PLCD4: variants seen among roughly 807,000 people sequenced by gnomAD.
PLCD4 encodes phospholipase C delta 4.
A neutral mutation model predicts 90.2 loss-of-function variants in PLCD4; 63 were observed. That is an observed-to-expected ratio of 0.70 (90% CI 0.57 to 0.86). The LOEUF (loss-of-function observed/expected upper bound fraction) is 0.86, where lower values mean the gene tolerates loss of function less well. Among genes scored for constraint, PLCD4 ranks in the 40% least tolerant of loss-of-function variants. PLCD4 has a pLI of 0.00. For synonymous variants in PLCD4, 294 were observed against 356.5 expected (o/e 0.82, Z 1.97); for missense variants, 830 against 956.3 (o/e 0.87, Z 1.74).
Position 218,621,580 on chromosome 2 carries a change from A to T in PLCD4, c.521A>T (p.Tyr174Phe). ...ATGAATGTGGAAATGGACCAAGAAT[A>T]TGCCTTCAGTCTTTTTCAGGTGAGT... ...HLMNVEMDQE[Y>F]AFSLFQAADT... The change falls in exon 5 of 16, where the codon TAT becomes TTT. Residue 174 changes from tyrosine (Y) to phenylalanine (F), a missense_variant. Tyr to Phe is a conservative substitution (Grantham distance 22, BLOSUM62 3). Coordinates refer to ENST00000450993, the MANE Select transcript of PLCD4 (RefSeq NM_032726.4). 6.2e-7 allele frequency: 1 copy of T among 1,613,918 alleles called. No homozygotes were observed. The highest frequency in any genetic ancestry group is 8.5e-7 in the Non-Finnish European group (1 of 1,179,824).
intron 1 of PLCD4, among the ~76,000 whole-genome samples, chr2:218,610,463 A>T (rs1173150468): frequency 6.6e-6 from 1 of 151,990 alleles, no homozygotes; most frequent in East Asian, 1.9e-4. Context: ...AGCCAACATC[A>T]TGCCACTGCA....
chr2:218,632,856 TG>T (rs1696460491), intron 10 of PLCD4, among the ~76,000 whole-genome samples: 1 of 151,962 alleles, frequency 6.6e-6, no homozygotes, highest in African/African-American at 2.4e-5. Context: ...CATTTTGAGG[TG>T]GGGAACGTGA....
At position 218,618,797 on chromosome 2, in the gene PLCD4, C is replaced by A; in HGVS notation, c.400C>A (p.Arg134Ser). The A allele has an allele frequency of 6.3e-7, 1 of 1,589,274 alleles. No homozygotes were observed. ...TGTCACCAGCATGGACCATCAGGAG[C>A]GCCTGGACCAGTATCGGCAGGATGG... ...DLVTSMDHQE[R>S]LDQWLSDWFQ... is the part of the protein sequence containing the mutation. The change falls in exon 4 of 16, where the codon CGC becomes AGC. Residue 134 changes from arginine to serine, a missense_variant. Transcript: ENST00000450993.
chr2:218,609,108 A>C (rs1425315119), intron 1 of PLCD4: 7 of 148,690 alleles, frequency 4.7e-5, no homozygotes, highest in Admixed American at 1.4e-4. Context: ...GCACCACTGC[A>C]CTCCAGCCTG....
intron 4 of PLCD4, among the ~76,000 whole-genome samples, chr2:218,619,586 C>A (rs1037952504): frequency 6.6e-5 from 10 of 152,082 alleles, no homozygotes; most frequent in African/African-American, 2.2e-4. Context: ...AGCCACCACA[C>A]CCGGCCAGTG....
At chr2:218,612,833 AC>A (rs761282414) in intron 1 of PLCD4, among the ~76,000 whole-genome samples, 2 of 151,490 alleles carry the variant, frequency 1.3e-5, no homozygotes, top group Admixed American at 6.6e-5. Flanking sequence ...ATTTTCAGTG[AC>A]CCCCCCACAT....
At chr2:218,623,385 C>T (rs1044451974) in intron 6 of PLCD4, among the ~76,000 whole-genome samples, 6 of 152,184 alleles carry the variant, frequency 3.9e-5, no homozygotes, top group Admixed American at 6.6e-5. Context: ...AGCCAGTTAG[C>T]CCCTGGCTGG....
chr2:218,626,459 C>T (rs1336846135), intron 6 of PLCD4, among the ~76,000 whole-genome samples: 1 of 152,170 alleles, frequency 6.6e-6, no homozygotes, highest in Non-Finnish European at 1.5e-5. Flanking sequence ...CACCTGGCGG[C>T]CTGGGTTCAA....
intron 1 of PLCD4, among the ~76,000 whole-genome samples, chr2:218,615,453 T>A (rs890140090): frequency 6.6e-6 from 1 of 152,034 alleles, no homozygotes; most frequent in Non-Finnish European, 1.5e-5. Context: ...TAGTAGACTG[T>A]GGGTTATTGG....
intron 1 of PLCD4, among the ~76,000 whole-genome samples, chr2:218,612,033 A>G (rs542518949): frequency 1.3e-5 from 2 of 152,090 alleles, no homozygotes; most frequent in Admixed American, 6.6e-5. Flanking sequence ...GGTTCAAGCG[A>G]TTCTCCTGCC....
In PLCD4 at chr2:218,624,492, G is replaced by C. The variant is rs1696015973; in HGVS notation, c.772+1614G>C. On this transcript the variant is annotated intron_variant, in intron 6 of 15. Coordinates refer to ENST00000450993, the MANE Select transcript of PLCD4 (RefSeq NM_032726.4). ...TAATCCCAGCACTTTGGGAGACCGG[G>C]CAGATAACCTGAGGCCAGGAGTTCG... Among the ~76,000 whole-genome samples the C allele has an allele frequency of 2.0e-5, 3 of 152,186 alleles. No individual in the cohort carries two copies. The South Asian group carries it at 6.2e-4, about 32-fold the overall frequency.
intron 13 of PLCD4, among the ~76,000 whole-genome samples, chr2:218,635,448 C>A (rs1330512359): frequency 6.6e-6 from 1 of 152,134 alleles, no homozygotes; most frequent in African/African-American, 2.4e-5. Context: ...AAGTGATTCT[C>A]CCATCTGAGC....
chr2:218,624,536 T>C (rs1329007195), intron 6 of PLCD4, among the ~76,000 whole-genome samples: 1 of 151,686 alleles, frequency 6.6e-6, no homozygotes, highest in Non-Finnish European at 1.5e-5. Flanking sequence ...CTGGCCAACA[T>C]GGTAAAACTC....
intron 3 of PLCD4, among the ~76,000 whole-genome samples, chr2:218,618,073 C>T (rs913523565): frequency 2.0e-5 from 3 of 151,042 alleles, no homozygotes; most frequent in South Asian, 4.2e-4. Context: ...GGCAACAGAG[C>T]GAGACTCCAT....
In PLCD4 at chr2:218,616,046, C is replaced by T; in HGVS notation, c.165C>T (p.Gly55=). 1.9e-6 allele frequency: 3 copies of T among 1,613,564 alleles called. No individual in the cohort carries two copies. The highest frequency in any genetic ancestry group is 2.5e-6 in the Non-Finnish European group (3 of 1,179,748). Residue 55 remains glycine (G), a synonymous_variant, in exon 3 of 16, where the codon GGC becomes GGT. Transcript: ENST00000450993. ...TCTGGCATGCACGGCAGGCCAGGGGCAGTGCCAAGCCCAGCTGTGAGTGAC... is the reference window on the plus strand; with the variant it reads ...TCTGGCATGCACGGCAGGCCAGGGGTAGTGCCAAGCCCAGCTGTGAGTGAC... ...MTVWHARQAR[G]SAKPSFSISD... is the part of the protein sequence containing the mutation.
At position 218,632,275 on chromosome 2, in the gene PLCD4, C is replaced by G; in HGVS notation, c.1412C>G (p.Pro471Arg). ...LESQFETEPE[P>R]QEQNLQNKDK... ...TCCCAGTTTGAGACTGAGCCTGAGC[C>G]CCAGGAGCAGAACCTTCAGAATAAG... Residue 471 changes from proline (P) to arginine (R), a missense_variant, in exon 10 of 16, where the codon CCC becomes CGC. Physicochemically the swap from Pro to Arg is moderately radical, Grantham distance 103. Transcript: ENST00000450993. 1 of 1,611,168 alleles carries G rather than the reference C, an allele frequency of 6.2e-7. No homozygotes were observed. The highest frequency in any genetic ancestry group is 8.5e-7 in the Non-Finnish European group (1 of 1,178,760).
At chr2:218,608,335 C>A (rs1695181735) in intron 1 of PLCD4, among the ~76,000 whole-genome samples, 1 of 152,126 alleles carries the variant, frequency 6.6e-6, no homozygotes, top group South Asian at 2.1e-4. Context: ...CCAACCCTAG[C>A]CACTCCTGAG....
intron 9 of PLCD4, among the ~76,000 whole-genome samples, chr2:218,631,718 G>A (rs2106156916): frequency 6.7e-6 from 1 of 149,882 alleles, no homozygotes; most frequent in African/African-American, 2.5e-5. Flanking sequence ...GCTTGAACCT[G>A]GAAGGTGGTG....
intron 4 of PLCD4, among the ~76,000 whole-genome samples, chr2:218,619,661 ATT>A (rs1472559072): frequency 6.6e-6 from 1 of 150,774 alleles, no homozygotes; most frequent in Non-Finnish European, 1.5e-5. Flanking sequence ...TGTGTAAATA[ATT>A]TTTTGTTTGG....
Sources: allele counts gnomAD v4.1 joint callset (sites outside exome capture counted in the v4.1 genomes callset), GRCh38; gene constraint gnomAD v4.1.1; transcripts MANE v1.5; gene names NCBI Gene and HGNC (gene_info 2026-07-23, HGNC 2026-07-21).